CEACAM18: variants seen among roughly 807,000 people sequenced by gnomAD.
The protein encoded by CEACAM18 is CEA cell adhesion molecule 18.
Under a neutral mutation model 34.3 loss-of-function variants are expected in CEACAM18, and 33 were observed. That is an observed-to-expected ratio of 0.96 (90% CI 0.73 to 1.29). The LOEUF is 1.29. Ranked by LOEUF, CEACAM18 falls within the 50% of genes most tolerant of loss-of-function variation. The pLI, the probability that CEACAM18 is intolerant of heterozygous loss-of-function variation, is 0.00. For missense variants in CEACAM18, 474 were observed against 485.0 expected (o/e 0.98, Z 0.21); for synonymous variants, 169 against 180.9 (o/e 0.93, Z 0.53).
In CEACAM18 at chr19:51,488,557, G is replaced by A. The variant is rs552726920; in HGVS notation, c.1090-2030G>A. On this transcript the variant is annotated intron_variant, in intron 5 of 5. Transcript: ENST00000396477. The stretch of plus-strand genomic sequence containing the variant: ...ACAAGACCTCGCCTGGGAGGTCAGC[G>A]AGGTCTTGGAAATGCAGGGTTGTTG... 1.1e-3 allele frequency among the ~76,000 whole-genome samples: 174 copies of A among 152,314 alleles called. 1 individual carries two copies. The highest frequency in any genetic ancestry group is 3.9e-3 in the African/African-American group (164 of 41,572).
At chr19:51,481,848 C>T (rs1268045054) in intron 3 of CEACAM18, among the ~76,000 whole-genome samples, 183 bp downstream of exon 3, 4 of 152,174 alleles carry the variant, frequency 2.6e-5, no homozygotes, top group Non-Finnish European at 5.9e-5. Flanking sequence ...GCTGCCCCTG[C>T]TACTCAGAAA....
rs1261784467 is a variant in CEACAM18 at position 51,480,442 on chromosome 19, G to A, written c.162G>A (p.Glu54=). The A allele has an allele frequency of 4.3e-6, 7 of 1,613,480 alleles. No homozygotes were observed. In the Admixed American group the frequency reaches 8.3e-5, roughly 19 times the overall value. Residue 54 remains glutamate, a synonymous_variant, in exon 2 of 6, where the codon GAG becomes GAA. Transcript: ENST00000396477. ...TCGTGGCCCTGGATAAGGTCCCTGA[G>A]GATGTTCAGGAATACAGCTGGTACT...
chr19:51,479,739 A>C (rs1410929123), intron 1 of CEACAM18, among the ~76,000 whole-genome samples: 2 of 152,140 alleles, frequency 1.3e-5, no homozygotes, highest in African/African-American at 4.8e-5. Context: ...CCCTGCCGGG[A>C]ATGGGGAACA....
At position 51,478,712 on chromosome 19, in the gene CEACAM18, C is replaced by A. The variant is rs935743457; in HGVS notation, c.52+18C>A. On this transcript the variant is annotated intron_variant, in intron 1 of 5. Coordinates refer to ENST00000396477, the Ensembl canonical transcript of CEACAM18. ...CCTCATGGGTAAGAGATGCTGGATGCTGGATGAGCTTCCCAGGACTGAGGG... is the reference window on the plus strand; with the variant it reads ...CCTCATGGGTAAGAGATGCTGGATGATGGATGAGCTTCCCAGGACTGAGGG... The A allele has an allele frequency of 7.8e-6, 11 of 1,416,082 alleles. No homozygotes were observed. The highest frequency in any genetic ancestry group is 9.3e-6 in the Non-Finnish European group (10 of 1,074,522). 87.7% of individuals were successfully genotyped at this position (1,416,082 alleles called of 1,614,324 possible).
At chr19:51,481,749 C>A in intron 3 of CEACAM18, 84 bp downstream of exon 3, 3 of 1,420,522 alleles carry the variant, frequency 2.1e-6, no homozygotes, top group Non-Finnish European at 1.9e-6. Context: ...ACAGGCTGAG[C>A]TGGAGAGAGG....
In CEACAM18 at chr19:51,486,138, G is replaced by T. The variant is rs527454467; in HGVS notation, c.1089+1016G>T. 1.2e-3 allele frequency among the ~76,000 whole-genome samples: 179 copies of T among 152,244 alleles called. 1 individual carries two copies. Among genetic ancestry groups the T allele is most frequent in the African/African-American group, 4.0e-3 (168 of 41,540 alleles). ...GGTGATGATAGTAATAGTGGTGGTG[G>T]TGATAGTGGTGATGATGATGATGAC... On this transcript the variant is annotated intron_variant, in intron 5 of 5. Coordinates refer to ENST00000396477, the Ensembl canonical transcript of CEACAM18.
At chr19:51,490,026 G>T (rs1008464362) in intron 5 of CEACAM18, among the ~76,000 whole-genome samples, 1 of 152,062 alleles carries the variant, frequency 6.6e-6, no homozygotes, top group Non-Finnish European at 1.5e-5. Flanking sequence ...CTATGGTCTG[G>T]GGCCTCCCCT....
At chr19:51,481,723 ATAGGAATATGT>A in intron 3 of CEACAM18, 58 bp downstream of exon 3, 1 of 1,545,664 alleles carries the variant, frequency 6.5e-7, no homozygotes, top group Admixed American at 1.8e-5. Flanking sequence ...CTTTCTAGGG[ATAGGAATATGT>A]TAGGACAGGC....
At chr19:51,481,719 AG>A in intron 3 of CEACAM18, 54 bp downstream of exon 3, 2 of 1,553,068 alleles carry the variant, frequency 1.3e-6, no homozygotes, top group Non-Finnish European at 1.7e-6. Flanking sequence ...AGGGCTTTCT[AG>A]GGATAGGAAT....
At chr19:51,479,563 C>T (rs1216093898) in intron 1 of CEACAM18, among the ~76,000 whole-genome samples, 1 of 152,054 alleles carries the variant, frequency 6.6e-6, no homozygotes, top group East Asian at 1.9e-4. Context: ...CTCTGAGGAC[C>T]CCCAGAGGTC....
intron 5 of CEACAM18, among the ~76,000 whole-genome samples, chr19:51,485,424 G>C (rs1989982559): frequency 6.6e-6 from 1 of 152,182 alleles, no homozygotes; most frequent in South Asian, 2.1e-4. Context: ...AAAAATGAGA[G>C]GTCTGCATGT....
chr19:51,488,699 A>G (rs1292093748), intron 5 of CEACAM18, among the ~76,000 whole-genome samples: 1 of 152,126 alleles, frequency 6.6e-6, no homozygotes, highest in Non-Finnish European at 1.5e-5. Flanking sequence ...TGGACCTGGA[A>G]CCACATTCTT....
chr19:51,490,312 T>C (rs1990069710), intron 5 of CEACAM18, among the ~76,000 whole-genome samples: 1 of 152,206 alleles, frequency 6.6e-6, no homozygotes, highest in South Asian at 2.1e-4. Flanking sequence ...AGGCCAACAG[T>C]GCCCACTCCT....
At chr19:51,481,971 C>A (rs992244849) in intron 3 of CEACAM18, among the ~76,000 whole-genome samples, 2 of 152,256 alleles carry the variant, frequency 1.3e-5, no homozygotes, top group South Asian at 4.2e-4. Context: ...CTACTGAATA[C>A]CATTGTTTCT....
At chr19:51,480,337 T>A in exon 2 of CEACAM18, 2 of 1,600,750 alleles carry the variant, frequency 1.2e-6, no homozygotes, top group South Asian at 1.1e-5. Flanking sequence ...CTTCAGCCAG[T>A]CTGCTGGCCT....
chr19:51,485,239 G>T, intron 5 of CEACAM18, 117 bp downstream of exon 5: 1 of 1,050,068 alleles, frequency 9.5e-7, no homozygotes, highest in Non-Finnish European at 1.3e-6. Context: ...CCAGGAACTA[G>T]GTTGTCAGGG....
At chr19:51,478,835 A>G in intron 1 of CEACAM18, 141 bp downstream of exon 1, 2 of 567,538 alleles carry the variant, frequency 3.5e-6, no homozygotes, top group Non-Finnish European at 5.6e-6. Context: ...GGGAGAGGAG[A>G]AGGGGGAGGA....
intron 5 of CEACAM18, among the ~76,000 whole-genome samples, chr19:51,485,713 T>C (rs1351775242): frequency 6.6e-6 from 1 of 152,200 alleles, no homozygotes; most frequent in African/African-American, 2.4e-5. Flanking sequence ...TGCAGCATTC[T>C]CAGCATAGAG....
At position 51,484,466 on chromosome 19, in the gene CEACAM18, C is replaced by T. The variant is rs567623546; in HGVS notation, c.954-521C>T. ...TAGCTGGGATTACAGGCACACGCCA[C>T]TGTGCCCAGCTAATTTTTGTATTTT... On this transcript the variant is annotated intron_variant, in intron 4 of 5. Coordinates refer to ENST00000396477, the Ensembl canonical transcript of CEACAM18. Among the ~76,000 whole-genome samples, 11 of 152,292 alleles carry T rather than the reference C, an allele frequency of 7.2e-5. No homozygotes were observed. In the South Asian group the frequency reaches 2.3e-3, roughly 32 times the overall value.
Sources: gnomAD v4.1 joint callset for allele counts (sites outside exome capture counted in the v4.1 genomes callset) on GRCh38, gnomAD v4.1.1 for gene constraint, MANE v1.5 for transcripts, NCBI Gene and HGNC (gene_info 2026-07-23, HGNC 2026-07-21) for gene names.